The following VWCE variants were observed in gnomAD, a reference collection of about 807,000 sequenced individuals.
VWCE encodes the protein von Willebrand factor C and EGF domain-containing protein.
In VWCE, 68 loss-of-function variants were observed where a neutral mutation model predicts 102.9. The observed-to-expected ratio is 0.66, with a 90% confidence interval of 0.54 to 0.81. VWCE has a LOEUF of 0.81. Among genes scored for constraint, VWCE ranks in the 30% least tolerant of loss-of-function variants. The pLI is 0.00. For synonymous variants in VWCE, 497 were observed against 515.4 expected (o/e 0.96, Z 0.48); for missense variants, 1,137 against 1,263.6 (o/e 0.90, Z 1.52).
At position 61,292,664 on chromosome 11, in the gene VWCE, C is replaced by G. The variant is rs776186685; in HGVS notation, c.111-1088G>C. Reference sequence around the variant, plus strand: ...GGAAGCCAGATGCATCCAACTGGTGCTGGGTGCTGAGTAAGGCGTGACCAT... The same window carrying G: ...GGAAGCCAGATGCATCCAACTGGTGGTGGGTGCTGAGTAAGGCGTGACCAT... On this transcript the variant is annotated intron_variant, in intron 1 of 19. Coordinates refer to ENST00000335613, the MANE Select transcript of VWCE (RefSeq NM_152718.2). Among the ~76,000 whole-genome samples, 23 of 152,164 alleles carry G rather than the reference C, an allele frequency of 1.5e-4. No homozygotes were observed. In the South Asian group the frequency reaches 1.7e-3, roughly 11 times the overall value.
intron 19 of VWCE, among the ~76,000 whole-genome samples, chr11:61,261,576 TAA>T (rs35416433): frequency 2.1e-5 from 3 of 140,576 alleles, no homozygotes; most frequent in Admixed American, 7.1e-5. Context: ...ACCTTGTCTC[TAA>T]AAAAAAAAAA....
chr11:61,293,820 G>A (rs564290699), intron 1 of VWCE, among the ~76,000 whole-genome samples: 32 of 152,330 alleles, frequency 2.1e-4, no homozygotes, highest in Non-Finnish European at 3.4e-4. Context: ...TGCAATGGCA[G>A]CACACAAAAG....
rs1855501386 is a variant in VWCE at position 61,291,499 on chromosome 11, C to G, written c.188G>C (p.Gly63Ala). Residue 63 changes from glycine to alanine, a missense_variant, in exon 2 of 20, where the codon GGT (glycine) becomes GCT (alanine). Physicochemically the swap from Gly to Ala is moderately conservative, Grantham distance 60. Coordinates refer to ENST00000335613, the MANE Select transcript of VWCE (RefSeq NM_152718.2). The part of the protein sequence containing the change: ...CCPGWAPSMG[G>A]GHCTLPLCSF... ...GCACTTACGCAGGGTGCAGTGCCCA[C>G]CACCCATAGAGGGCGCCCAGCCAGG... is the stretch of plus-strand genomic sequence containing the variant. 3.9e-6 allele frequency: 6 copies of G among 1,549,532 alleles called. No homozygotes were observed. The highest frequency in any genetic ancestry group is 5.2e-6 in the Non-Finnish European group (6 of 1,145,510).
chr11:61,284,219 GAAA>G, intron 5 of VWCE, among the ~76,000 whole-genome samples: 1 of 151,898 alleles, frequency 6.6e-6, no homozygotes, highest in Admixed American at 6.6e-5. Context: ...AACAAAGAAA[GAAA>G]GAAGAAAAAA....
chr11:61,290,914 T>G lies in VWCE; in HGVS notation c.309A>C (p.Pro103=), dbSNP rs568820513. The G allele has an allele frequency of 1.7e-5, 27 of 1,613,654 alleles. No homozygotes were observed. Among genetic ancestry groups the G allele is most frequent in the Non-Finnish European group, 2.3e-5 (27 of 1,179,986 alleles). Residue 103 remains proline (P), a synonymous_variant, in exon 4 of 20, where the codon CCA becomes CCC. Transcript: ENST00000335613. ...QGATCPETHG[P]CGEYGCDLTC... ...TAAGGTCACAGCCGTACTCCCCACA[T>G]GGTCCATGGGTTTCTAGAGCAGGCA...
chr11:61,262,014 C>A (rs182568960), intron 19 of VWCE, among the ~76,000 whole-genome samples: 1 of 152,000 alleles, frequency 6.6e-6, no homozygotes, highest in African/African-American at 2.4e-5. Context: ...GAGGGCAGGG[C>A]GCAGTCTCAG....
intron 6 of VWCE, chr11:61,282,474 T>G (rs772869642): frequency 1.5e-4 from 42 of 289,594 alleles, no homozygotes; most frequent in Non-Finnish European, 2.2e-4. Flanking sequence ...CGTGCTTTAT[T>G]TACCAAGGGG....
chr11:61,279,997 G>A (rs1230447024), intron 9 of VWCE, among the ~76,000 whole-genome samples: 3 of 152,186 alleles, frequency 2.0e-5, no homozygotes, highest in Non-Finnish European at 4.4e-5. Flanking sequence ...AAAGTGCTGG[G>A]ATTACAGGCT....
Position 61,265,130 on chromosome 11 carries a change from A to G in VWCE, c.2048T>C (p.Val683Ala). Residue 683 changes from valine to alanine, a missense_variant, in exon 17 of 20, where the codon GTG becomes GCG. By Grantham distance (64) the Val-to-Ala change is moderately conservative (BLOSUM62 0). Around this residue, in one of 5 missense-constraint regions of VWCE, gnomAD observed 29 missense variants for 62.9 expected, o/e 0.46. Transcript: ENST00000335613. ...CAGCTGGTCCCACTCACCTCGGCACACGGGGCAGCACTCCCCGTCAGGGTG... is the reference window on the plus strand; with the variant it reads ...CAGCTGGTCCCACTCACCTCGGCACGCGGGGCAGCACTCCCCGTCAGGGTG... ...PFHPDGECCP[V>A]CRDCNYEGRK... The G allele has an allele frequency of 6.2e-7, 1 of 1,603,994 alleles. No individual in the cohort carries two copies. Among genetic ancestry groups the G allele is most frequent in the Non-Finnish European group, 8.5e-7 (1 of 1,174,728 alleles).
chr11:61,292,363 CACA>C (rs968893839), intron 1 of VWCE, among the ~76,000 whole-genome samples: 1 of 152,202 alleles, frequency 6.6e-6, no homozygotes, highest in African/African-American at 2.4e-5. Flanking sequence ...CTTTATTCTC[CACA>C]ACATTTACTT....
chr11:61,282,027 G>C, intron 6 of VWCE, 113 bp from the exon 7 acceptor site: 6 of 1,463,264 alleles, frequency 4.1e-6, no homozygotes, highest in Non-Finnish European at 5.5e-6. Flanking sequence ...TTCTTACAGG[G>C]TCCATGCCTG....
Position 61,267,483 on chromosome 11 carries a change from T to A in VWCE, c.1944A>T (p.Pro648=), listed in dbSNP as rs1250589435. 6.2e-7 allele frequency: 1 copy of A among 1,613,900 alleles called. No individual in the cohort carries two copies. Among genetic ancestry groups the A allele is most frequent in the African/African-American group, 1.3e-5 (1 of 74,878 alleles). Residue 648 remains proline, a synonymous_variant, in exon 16 of 20, where the codon CCA becomes CCT. Coordinates refer to ENST00000335613, the MANE Select transcript of VWCE (RefSeq NM_152718.2). ...ATACCAGGCAGATGCAGCTCAGACA[T>A]GGGTCCAGCACAGACGGGAAGGTCT... ...NNETFPSVLD[P]CLSCICLLGS...
rs887338864 is a variant in VWCE, at chr11:61,294,696, C to T, written c.110+232G>A. Among the ~76,000 whole-genome samples, 1 of 152,152 alleles carries T rather than the reference C, an allele frequency of 6.6e-6. No homozygotes were observed. Among genetic ancestry groups the T allele is most frequent in the Non-Finnish European group, 1.5e-5 (1 of 68,016 alleles). On this transcript the variant is annotated intron_variant, in intron 1 of 19. Transcript: ENST00000335613. This position sits in a 1 kb window ranked among gnomAD's most constrained non-coding sequence, Gnocchi z 6.3. ...ACCCAACGCCTGGACCTCCGATCTC[C>T]CAGGTCCCAGTCTGGACAGCCCCAG...
chr11:61,288,155 C>CAAAA (rs397978316), intron 4 of VWCE, among the ~76,000 whole-genome samples: 34 of 37,238 alleles, frequency 9.1e-4, no homozygotes, highest in African/African-American at 2.7e-3. Flanking sequence ...GACTCTGTCT[C>CAAAA]AAAAAAAAAA....
At chr11:61,292,238 AAG>A (rs59024166) in intron 1 of VWCE, among the ~76,000 whole-genome samples, 7 of 148,248 alleles carry the variant, frequency 4.7e-5, no homozygotes, top group African/African-American at 1.8e-4. Context: ...AAAAAAAAAA[AAG>A]AGAGAGAGAA....
intron 4 of VWCE, among the ~76,000 whole-genome samples, chr11:61,290,200 C>G (rs973787774): frequency 1.3e-5 from 2 of 152,136 alleles, no homozygotes; most frequent in African/African-American, 4.8e-5. Context: ...TACTTGTCTT[C>G]CTTCCTCATA....
At chr11:61,259,457 C>T (rs1854291992) in intron 19 of VWCE, 145 bp from the exon 20 acceptor site, 1 of 1,066,436 alleles carries the variant, frequency 9.4e-7, no homozygotes, top group Admixed American at 3.1e-5. Context: ...GCTCCTGCCT[C>T]CAGGAAGGGA....
rs1854454745 is a variant in VWCE, at chr11:61,264,582, G to C, written c.2140-5C>G. On this transcript the variant is annotated splice_region_variant and splice_polypyrimidine_tract_variant and intron_variant, in intron 18 of 19. Transcript: ENST00000335613. ...CTCACAGCTCACCTCTCCCAGCTGGGGAAGCAGAAGGAACCCCATGAGGAA... is the reference window on the plus strand; with the variant it reads ...CTCACAGCTCACCTCTCCCAGCTGGCGAAGCAGAAGGAACCCCATGAGGAA... 3 of 1,602,424 alleles carry C rather than the reference G, an allele frequency of 1.9e-6. No homozygotes were observed. The highest frequency in any genetic ancestry group is 2.3e-5 in the South Asian group (2 of 88,838).
intron 11 of VWCE, 117 bp downstream of exon 11, chr11:61,276,476 G>T: frequency 1.4e-6 from 1 of 730,494 alleles, no homozygotes; most frequent in Non-Finnish European, 2.0e-6. Context: ...CCAGCACTTT[G>T]AGAGGCTGAA....
Sources: allele counts gnomAD v4.1 joint callset (sites outside exome capture counted in the v4.1 genomes callset), GRCh38; gene constraint gnomAD v4.1.1; regional missense constraint gnomAD v4.1.1; non-coding constraint Gnocchi (gnomAD v3.1); transcripts MANE v1.5; gene names NCBI Gene and HGNC (gene_info 2026-07-23, HGNC 2026-07-21).